The following DNAJC15 variants were observed in gnomAD, a reference collection of about 807,000 sequenced individuals.
DNAJC15 encodes the protein dnaJ homolog subfamily C member 15.
In DNAJC15, 27 loss-of-function variants were observed where a neutral mutation model predicts 22.4. The observed-to-expected ratio is 1.20, with a 90% confidence interval of 0.89 to 1.66. The LOEUF is 1.66. Among genes scored for constraint, DNAJC15 ranks in the 40% most tolerant of loss-of-function variants. The pLI is 0.00. For synonymous variants in DNAJC15, 79 were observed against 63.2 expected, an observed-to-expected ratio of 1.25 and a Z score of -1.19; for missense variants, 208 against 187.1, an observed-to-expected ratio of 1.11 and a Z score of -0.65.
At chr13:43,041,424 T>C (rs920996921) in intron 1 of DNAJC15, among the ~76,000 whole-genome samples, 7 of 152,224 alleles carry the variant, frequency 4.6e-5, no homozygotes, top group Non-Finnish European at 8.8e-5. Context: ...GAATTTCTCT[T>C]AGTACAGAAC....
intron 5 of DNAJC15, among the ~76,000 whole-genome samples, chr13:43,106,930 A>G (rs943028600): frequency 1.3e-5 from 2 of 152,008 alleles, no homozygotes; most frequent in Admixed American, 6.6e-5. Flanking sequence ...ATGTTGTTCA[A>G]GTTATTCCTG....
intron 5 of DNAJC15, among the ~76,000 whole-genome samples, chr13:43,088,313 G>A (rs969045092): frequency 1.3e-5 from 2 of 152,168 alleles, no homozygotes; most frequent in African/African-American, 4.8e-5. Flanking sequence ...CACCTTTGCC[G>A]TAGCTTGAGA....
intron 1 of DNAJC15, 82 bp from the exon 2 acceptor site, chr13:43,065,604 A>G (rs2040579606): frequency 8.7e-7 from 1 of 1,143,576 alleles, no homozygotes; most frequent in East Asian, 2.4e-5. Flanking sequence ...ATTGTAATGT[A>G]ATTATTCTCA....
intron 3 of DNAJC15, among the ~76,000 whole-genome samples, chr13:43,077,743 A>G (rs2040640827): frequency 6.6e-6 from 1 of 152,248 alleles, no homozygotes; most frequent in Admixed American, 6.5e-5. Flanking sequence ...TGATGAGCAC[A>G]TAACAGTGTC....
rs1366449348 is a variant in DNAJC15 at position 43,113,500 on chromosome 13, T to C, written c.*6252T>C. On this transcript the variant is annotated 3_prime_UTR_variant, in exon 6 of 6. Coordinates refer to ENST00000379221, the MANE Select transcript of DNAJC15 (RefSeq NM_013238.3). ...TGTGTCTTTGAGATTGTCCAGTTAA[T>C]TCTCTATTTCCAGTAGCTGTAATAA... 2 of 152,208 alleles carry C rather than the reference T, an allele frequency of 1.3e-5. No homozygotes were observed. Among genetic ancestry groups the C allele is most frequent in the African/African-American group, 2.4e-5 (1 of 41,438 alleles). The allele number at this position is 152,208 out of a possible 1,614,324, so 9.4% of individuals were successfully genotyped here.
At chr13:43,059,193 T>C (rs1485142935) in intron 1 of DNAJC15, among the ~76,000 whole-genome samples, 1 of 152,162 alleles carries the variant, frequency 6.6e-6, no homozygotes, top group Non-Finnish European at 1.5e-5. Context: ...GCCTTTGTTT[T>C]TCCTTCTGTA....
chr13:43,073,443 G>A (rs566281931), intron 3 of DNAJC15, among the ~76,000 whole-genome samples: 3 of 151,696 alleles, frequency 2.0e-5, no homozygotes, highest in Admixed American at 6.6e-5. Context: ...AATAAGATGC[G>A]TATCAGAAAA....
chr13:43,039,604 A>C (rs959526471), intron 1 of DNAJC15, among the ~76,000 whole-genome samples: 5 of 152,252 alleles, frequency 3.3e-5, no homozygotes, highest in African/African-American at 1.2e-4. Context: ...TCATTGGCCA[A>C]AAAATTCTAA....
chr13:43,023,724 A>G lies in DNAJC15; in HGVS notation c.98A>G (p.Gln33Arg). 5 of 1,610,000 alleles carry G rather than the reference A, an allele frequency of 3.1e-6. No individual in the cohort carries two copies. The highest frequency in any genetic ancestry group is 4.2e-6 in the Non-Finnish European group (5 of 1,178,498). The change falls in exon 1 of 6, where the codon CAG (glutamine) becomes CGG (arginine). Residue 33 changes from glutamine (Q) to arginine (R), a missense_variant. Transcript: ENST00000379221. ...SAKRPDADVD[Q>R]QRLVRSLIAV... ...AAACGGCCAGACGCCGACGTCGACC[A>G]GCAGAGACTGGTGAGTCCTGCCAGC...
chr13:43,059,458 G>A (rs922857994), intron 1 of DNAJC15, among the ~76,000 whole-genome samples: 8 of 151,928 alleles, frequency 5.3e-5, no homozygotes, highest in African/African-American at 1.7e-4. Flanking sequence ...ACCGCTTCCC[G>A]GGTTCAAGCG....
chr13:43,078,525 A>T, intron 3 of DNAJC15, 87 bp from the exon 4 acceptor site: 1 of 999,514 alleles, frequency 1.0e-6, no homozygotes. Context: ...AAAATGCATT[A>T]CTCTCACTGC....
chr13:43,101,464 G>A (rs1375763778), intron 5 of DNAJC15, among the ~76,000 whole-genome samples: 1 of 152,138 alleles, frequency 6.6e-6, no homozygotes, highest in Non-Finnish European at 1.5e-5. Flanking sequence ...GTGTTTGGTT[G>A]CATGGAAAAG....
intron 1 of DNAJC15, among the ~76,000 whole-genome samples, chr13:43,041,067 C>T (rs2040451494): frequency 6.6e-6 from 1 of 152,194 alleles, no homozygotes; most frequent in Admixed American, 6.5e-5. Context: ...TTTTACTAAT[C>T]CTCCTCAGCA....
intron 1 of DNAJC15, among the ~76,000 whole-genome samples, chr13:43,060,415 AT>A (rs1235522488): frequency 6.6e-6 from 1 of 152,158 alleles, no homozygotes; most frequent in African/African-American, 2.4e-5. Flanking sequence ...AAGGAGGAAA[AT>A]AGGTATTAAA....
intron 1 of DNAJC15, among the ~76,000 whole-genome samples, chr13:43,036,824 G>A (rs1032499978): frequency 2.6e-5 from 4 of 152,252 alleles, no homozygotes; most frequent in Admixed American, 6.5e-5. Context: ...TGTCATCACC[G>A]CTCTTAGTGC....
At chr13:43,029,162 CTG>C (rs2040393619) in intron 1 of DNAJC15, among the ~76,000 whole-genome samples, 1 of 152,128 alleles carries the variant, frequency 6.6e-6, no homozygotes, top group African/African-American at 2.4e-5. Flanking sequence ...GAGCAAGAGT[CTG>C]TGTCTCTCTT....
intron 4 of DNAJC15, among the ~76,000 whole-genome samples, chr13:43,082,865 CATAT>C (rs1432167711): frequency 1.7e-5 from 2 of 117,020 alleles, no homozygotes; most frequent in African/African-American, 5.5e-5. Flanking sequence ...TATATACACA[CATAT>C]ATGTGCGTAT....
At chr13:43,065,625 T>G (rs2040579707) in intron 1 of DNAJC15, 61 bp from the exon 2 acceptor site, 1 of 1,316,838 alleles carries the variant, frequency 7.6e-7, no homozygotes, top group Admixed American at 1.7e-5. Context: ...TTATTAAAAA[T>G]GATTTACTTT....
At chr13:43,048,316 CTAAAAATA>C (rs1200846577) in intron 1 of DNAJC15, among the ~76,000 whole-genome samples, 7 of 90,944 alleles carry the variant, frequency 7.7e-5, no homozygotes, top group Admixed American at 1.2e-4. Flanking sequence ...CTCGTCTCTA[CTAAAAATA>C]CAAAAAAAAA....
Sources: allele counts gnomAD v4.1 joint callset (sites outside exome capture counted in the v4.1 genomes callset), GRCh38; gene constraint gnomAD v4.1.1; transcripts MANE v1.5; gene names NCBI Gene and HGNC (gene_info 2026-07-23, HGNC 2026-07-21).